The following DZIP3 variants were observed in gnomAD, a reference collection of about 807,000 sequenced individuals.
The protein encoded by DZIP3 is DAZ interacting zinc finger protein 3.
Under a neutral mutation model 162.0 loss-of-function variants are expected in DZIP3, and 118 were observed. The observed-to-expected ratio is 0.73, with a 90% CI of 0.63 to 0.85. The LOEUF is 0.85. Ranked by LOEUF, DZIP3 falls within the 40% of genes least tolerant of loss-of-function variation. The pLI is 0.00. For missense variants in DZIP3, 1,331 were observed against 1,407.0 expected (o/e 0.95, Z 0.86); for synonymous variants, 438 against 458.6 (o/e 0.96, Z 0.57).
intron 4 of DZIP3, among the ~76,000 whole-genome samples, chr3:108,614,584 A>G (rs1376298563): frequency 6.6e-6 from 1 of 152,166 alleles, no homozygotes; most frequent in Non-Finnish European, 1.5e-5. Flanking sequence ...TATGCTCTGG[A>G]CAATTCTAGT....
intron 1 of DZIP3, among the ~76,000 whole-genome samples, chr3:108,604,417 G>A (rs560991360): frequency 6.6e-6 from 1 of 152,290 alleles, no homozygotes; most frequent in East Asian, 1.9e-4. Flanking sequence ...AAGGAAGCCA[G>A]CCTAGCACAA....
chr3:108,630,947 G>A (rs1484313946), intron 8 of DZIP3, among the ~76,000 whole-genome samples: 2 of 141,184 alleles, frequency 1.4e-5, no homozygotes, highest in East Asian at 4.5e-4. Flanking sequence ...CATATCTCCA[G>A]GTTTTTCTGT....
rs199999684 is a variant in DZIP3 at position 108,682,083 on chromosome 3, G to GA, written c.2884-2124dup. Among the ~76,000 whole-genome samples, 1,172 of 148,078 alleles carry GA rather than the reference G, an allele frequency of 7.9e-3. 83 individuals are homozygous for GA. The highest frequency in any genetic ancestry group is 0.028 in the African/African-American group (1,090 of 39,302). ...CCCAGAACTTAAAGTATAATAATTAGAAAAAAAAAGAACAGCTATTATCAA... is the reference window on the plus strand; with the variant it reads ...CCCAGAACTTAAAGTATAATAATTAGAAAAAAAAAAGAACAGCTATTATCAA... On this transcript the variant is annotated intron_variant, in intron 26 of 32. Transcript: ENST00000361582.
At position 108,614,081 on chromosome 3, in the gene DZIP3, A is replaced by G. The variant is rs1351130552; in HGVS notation, c.259-2460A>G. On this transcript the variant is annotated intron_variant, in intron 4 of 32. Transcript: ENST00000361582. Reference sequence around the variant, plus strand: ...GCATGACATTCAAGAAGTTAATGGAAGAACAGCAAATTAAAAGCACTTGAA... The same window carrying G: ...GCATGACATTCAAGAAGTTAATGGAGGAACAGCAAATTAAAAGCACTTGAA... 2.0e-5 allele frequency among the ~76,000 whole-genome samples: 3 copies of G among 152,232 alleles called. No homozygotes were observed. The East Asian group carries it at 5.8e-4, about 29-fold the overall frequency.
intron 18 of DZIP3, among the ~76,000 whole-genome samples, chr3:108,653,503 GTGTGTATATATATATATATA>G (rs1185603953): frequency 5.0e-5 from 1 of 20,032 alleles, no homozygotes; most frequent in African/African-American, 9.6e-5. Context: ...CATTGTGTGT[GTGTGTATATATATATATATA>G]TATATATATA....
intron 19 of DZIP3, among the ~76,000 whole-genome samples, chr3:108,654,585 G>A (rs1036147149): frequency 2.0e-5 from 3 of 151,656 alleles, no homozygotes; most frequent in Non-Finnish European, 2.9e-5. Flanking sequence ...TCTTGCAAAC[G>A]TTTTTCGAAT....
chr3:108,624,369 G>A, intron 5 of DZIP3, 75 bp from the exon 6 acceptor site: 2 of 766,964 alleles, frequency 2.6e-6, no homozygotes, highest in East Asian at 2.7e-5. Flanking sequence ...TTAAGCTTAG[G>A]ATATTTAATT....
At position 108,644,248 on chromosome 3, in the gene DZIP3, G is replaced by A. The variant is rs377325943; in HGVS notation, c.1226G>A (p.Arg409Gln). ...ATTATTTCTGGTACTGACATTGTTC[G>A]ACAAATATTTGATGAGGCTATGCCA... Reference protein sequence around the residue: ...IIIISGTDIVRQIFDEAMPPP... With the variant: ...IIIISGTDIVQQIFDEAMPPP... Residue 409 changes from arginine (R) to glutamine (Q), a missense_variant, in exon 14 of 33, where the codon CGA becomes CAA. Transcript: ENST00000361582. 2.0e-5 allele frequency: 32 copies of A among 1,613,400 alleles called. No individual in the cohort carries two copies. Among genetic ancestry groups the A allele is most frequent in the Middle Eastern group, 1.6e-4 (1 of 6,082 alleles).
chr3:108,590,357 AATC>A (rs1939320023), intron 1 of DZIP3, among the ~76,000 whole-genome samples: 1 of 152,214 alleles, frequency 6.6e-6, no homozygotes, highest in African/African-American at 2.4e-5. Flanking sequence ...GTTTATCAGA[AATC>A]ATGTTTTTTC....
chr3:108,689,142 G>A (rs1216136912), intron 31 of DZIP3, among the ~76,000 whole-genome samples: 3 of 152,132 alleles, frequency 2.0e-5, no homozygotes, highest in African/African-American at 7.2e-5. Context: ...CAGAAGAAGG[G>A]GACAATGTTG....
intron 1 of DZIP3, among the ~76,000 whole-genome samples, chr3:108,592,623 G>A (rs965111840): frequency 1.3e-5 from 2 of 150,640 alleles, no homozygotes; most frequent in Admixed American, 6.6e-5. Flanking sequence ...CTGAACCTGG[G>A]AAGTCAAGGC....
intron 7 of DZIP3, among the ~76,000 whole-genome samples, chr3:108,627,586 G>A (rs1372337337): frequency 1.3e-5 from 2 of 152,128 alleles, no homozygotes; most frequent in Non-Finnish European, 2.9e-5. Flanking sequence ...CAAGTTTCAA[G>A]GAGTCTTCTC....
Position 108,662,139 on chromosome 3 carries a change from A to C in DZIP3, c.2305A>C (p.Arg769=). 6.3e-7 allele frequency: 1 copy of C among 1,593,258 alleles called. No homozygotes were observed. The highest frequency in any genetic ancestry group is 8.5e-7 in the Non-Finnish European group (1 of 1,174,674). Residue 769 remains arginine (R), a synonymous_variant, in exon 21 of 33, where the codon AGA becomes CGA. Transcript: ENST00000361582. ...ATTTTTTATTGATCAGGATTTCAAAAGACAGTTGAGAACAGTGACTTTTCG... is the reference window on the plus strand; with the variant it reads ...ATTTTTTATTGATCAGGATTTCAAACGACAGTTGAGAACAGTGACTTTTCG... ...KLHYQCEDFK[R]QLRTVTFRWQ...
At chr3:108,690,937 C>A in intron 32 of DZIP3, 34 bp downstream of exon 32, 1 of 1,574,572 alleles carries the variant, frequency 6.4e-7, no homozygotes, top group Non-Finnish European at 8.7e-7. Flanking sequence ...GCTCAGTTTT[C>A]TTTTATTATG....
chr3:108,595,027 T>G (rs1263060809), intron 1 of DZIP3, among the ~76,000 whole-genome samples: 3 of 152,222 alleles, frequency 2.0e-5, no homozygotes, highest in Non-Finnish European at 4.4e-5. Flanking sequence ...CAAATGTTTA[T>G]TGAATGCCAG....
rs368144560 is a variant in DZIP3 at position 108,622,876 on chromosome 3, C to G, written c.376-1568C>G. On this transcript the variant is annotated intron_variant, in intron 5 of 32. Coordinates refer to ENST00000361582, the MANE Select transcript of DZIP3 (RefSeq NM_014648.4). The stretch of plus-strand genomic sequence containing the variant: ...TCTCTCTCTCTCTCTCTCTCTCTCT[C>G]TCTCTGTGTGTGTGTGTGTGTATGG... 3.3e-3 allele frequency among the ~76,000 whole-genome samples: 284 copies of G among 87,342 alleles called. 1 individual carries two copies. The highest frequency in any genetic ancestry group is 5.7e-3 in the Middle Eastern group (1 of 176). The allele number at this position is 87,342 out of a possible 152,430, so 57.3% of individuals were successfully genotyped here.
At chr3:108,634,561 G>A (rs1942050922) in intron 9 of DZIP3, among the ~76,000 whole-genome samples, 1 of 151,782 alleles carries the variant, frequency 6.6e-6, no homozygotes, top group Admixed American at 6.6e-5. Flanking sequence ...GATGAAGATG[G>A]GTAGGTAGCA....
intron 1 of DZIP3, among the ~76,000 whole-genome samples, chr3:108,604,852 A>G (rs941145567): frequency 1.2e-4 from 18 of 152,234 alleles, no homozygotes; most frequent in African/African-American, 4.1e-4. Context: ...CTTTTGATCT[A>G]TTAATTTTAC....
At chr3:108,665,633 T>A (rs1203790883) in intron 21 of DZIP3, among the ~76,000 whole-genome samples, 2 of 152,108 alleles carry the variant, frequency 1.3e-5, no homozygotes, top group African/African-American at 4.8e-5. Context: ...GAACCCCGAA[T>A]AGCAAAAACT....
Sources: gnomAD v4.1 joint callset for allele counts (sites outside exome capture counted in the v4.1 genomes callset) on GRCh38, gnomAD v4.1.1 for gene constraint, MANE v1.5 for transcripts, NCBI Gene and HGNC (gene_info 2026-07-23, HGNC 2026-07-21) for gene names.